Variants in OPRM1 observed in about 807,000 individuals in gnomAD.
OPRM1 encodes mu-type opioid receptor.
Under a neutral mutation model 31.8 loss-of-function variants are expected in OPRM1, and 27 were observed. The observed-to-expected ratio is 0.85, with a 90% confidence interval of 0.63 to 1.17. OPRM1 has a LOEUF of 1.17. Among genes scored for constraint, OPRM1 ranks in the 50% most tolerant of loss-of-function variants. The probability of loss-of-function intolerance (pLI) is 0.00; values close to 1 mark genes in which losing one functional copy is unlikely to be tolerated. For missense variants in OPRM1, 536 were observed against 511.1 expected (o/e 1.05, Z -0.47); for synonymous variants, 196 against 189.9 (o/e 1.03, Z -0.26).
At chr6:154,089,739 A>T in intron 1 of OPRM1, 87 bp from the exon 2 acceptor site, 13 of 875,040 alleles carry the variant, frequency 1.5e-5, no homozygotes, top group Non-Finnish European at 2.1e-5. Flanking sequence ...CTTTCTACTA[A>T]TTCATGCAAA....
At chr6:154,219,965 C>T (rs1778722453) in intron 3 of OPRM1, among the ~76,000 whole-genome samples, 1 of 148,386 alleles carries the variant, frequency 6.7e-6, no homozygotes, top group South Asian at 2.2e-4. Flanking sequence ...CTGGACAGAG[C>T]TGAGCGGATA....
Position 154,121,133 on chromosome 6 carries a change from T to C in OPRM1, c.*2412T>C, listed in dbSNP as rs1372825365. Among the ~76,000 whole-genome samples, 1 of 152,230 alleles carries C rather than the reference T, an allele frequency of 6.6e-6. No individual in the cohort carries two copies. The highest frequency in any genetic ancestry group is 1.9e-4 in the East Asian group (1 of 5,202). On this transcript the variant is annotated 3_prime_UTR_variant, in exon 4 of 4. Coordinates refer to ENST00000330432, the MANE Select transcript of OPRM1 (RefSeq NM_000914.5). ...AAGAAAATGGAATATTCTGCTTTTT[T>C]CTTCCTTCTAATTTCACCCTTGCCT...
intron 3 of OPRM1, among the ~76,000 whole-genome samples, chr6:154,189,577 T>G (rs2128578989): frequency 6.6e-6 from 1 of 152,304 alleles, no homozygotes; most frequent in South Asian, 2.1e-4. Context: ...ATTTTGAATG[T>G]TGTTACCACA....
chr6:154,152,370 A>AAGAAAGAAAG (rs1798554567), intron 3 of OPRM1, among the ~76,000 whole-genome samples: 1 of 148,494 alleles, frequency 6.7e-6, no homozygotes, highest in African/African-American at 2.6e-5. Context: ...GAAAGAAAGA[A>AAGAAAGAAAG]AGAAAGAAAG....
intron 3 of OPRM1, chr6:154,214,080 A>G: frequency 4.5e-6 from 3 of 665,278 alleles, no homozygotes; most frequent in Non-Finnish European, 8.2e-6. Flanking sequence ...GTCTCCACAT[A>G]TTTTCAGATC....
rs1583475860 is a variant in OPRM1 at position 154,089,880 on chromosome 6, A to G, written c.345A>G (p.Ala115=). Residue 115 remains alanine (A), a synonymous_variant, in exon 2 of 4, where the codon GCA becomes GCG. Coordinates refer to ENST00000330432, the MANE Select transcript of OPRM1 (RefSeq NM_000914.5). ...TCTACATTTTCAACCTTGCTCTGGC[A>G]GATGCCTTAGCCACCAGTACCCTGC... The part of the protein sequence containing the change: ...TNIYIFNLAL[A]DALATSTLPF... 2 of 1,614,142 alleles carry G rather than the reference A, an allele frequency of 1.2e-6. No individual in the cohort carries two copies. The highest frequency in any genetic ancestry group is 1.7e-6 in the Non-Finnish European group (2 of 1,179,996).
chr6:154,083,285 G>GAGAAATAAAGAAGAGAAATAA (rs1789596663), intron 1 of OPRM1, among the ~76,000 whole-genome samples: 1 of 152,062 alleles, frequency 6.6e-6, no homozygotes, highest in Non-Finnish European at 1.5e-5. Flanking sequence ...CAGAAAACAA[G>GAGAAATAAAGAAGAGAAATAA]AGAAATAAAG....
At chr6:154,239,852 T>G (rs1969518) in intron 3 of OPRM1, among the ~76,000 whole-genome samples, 5,248 of 152,314 alleles carry the variant, frequency 0.034, 323 homozygotes, top group African/African-American at 0.12. Context: ...TACAGGCATA[T>G]CCACCACGCT....
rs554100152 is a variant in OPRM1, at chr6:154,168,264, C to T, written c.1164+76792C>T. On this transcript the variant is annotated intron_variant, in intron 3 of 3. Coordinates refer to the OPRM1 transcript ENST00000337049. This position sits in a 1 kb window ranked among gnomAD's most constrained non-coding sequence, Gnocchi z 4.1. ...CTGAAAGACAATAAATGTTTGCTGT[C>T]TAAGCCACCCAGTTTGCGATACTTT... is the stretch of plus-strand genomic sequence containing the variant. 7 of 573,862 alleles carry T rather than the reference C, an allele frequency of 1.2e-5. No homozygotes were observed. The East Asian group carries it at 1.4e-4, about 11-fold the overall frequency. 35.5% of individuals were successfully genotyped at this position (573,862 alleles called of 1,614,324 possible).
downstream of OPRM1, among the ~76,000 whole-genome samples, chr6:154,135,061 T>TAAAA (rs1798021821): frequency 6.6e-6 from 1 of 152,232 alleles, no homozygotes; most frequent in Non-Finnish European, 1.5e-5. Flanking sequence ...GTCCGCATTC[T>TAAAA]AACAACGCTT....
At chr6:154,230,502 T>C (rs1779634118) in intron 3 of OPRM1, among the ~76,000 whole-genome samples, 1 of 152,176 alleles carries the variant, frequency 6.6e-6, no homozygotes, top group South Asian at 2.1e-4. Context: ...CACAAGTATT[T>C]TGGAAAATAT....
intron 3 of OPRM1, among the ~76,000 whole-genome samples, chr6:154,153,464 T>C (rs908369938): frequency 6.6e-6 from 1 of 152,020 alleles, no homozygotes; most frequent in African/African-American, 2.4e-5. Context: ...CGGGCAGATC[T>C]CCTGAGGTCA....
intron 3 of OPRM1, among the ~76,000 whole-genome samples, chr6:154,194,175 G>A (rs1239639277): frequency 2.6e-5 from 4 of 152,178 alleles, no homozygotes; most frequent in Admixed American, 2.6e-4. Flanking sequence ...CGAGGCGGGT[G>A]GATCACATGA....
chr6:154,086,667 G>C, intron 1 of OPRM1: 1 of 984,982 alleles, frequency 1.0e-6, no homozygotes, highest in African/African-American at 1.7e-5. Context: ...AAATAAGCCT[G>C]AAGGAAAGGT....
chr6:154,107,827 T>C (rs1232728655), intron 3 of OPRM1: 1 of 717,352 alleles, frequency 1.4e-6, no homozygotes, highest in Non-Finnish European at 2.6e-6. Flanking sequence ...CAAGCCCGTG[T>C]TTTATCCTGA....
intron 3 of OPRM1, among the ~76,000 whole-genome samples, chr6:154,195,342 T>C (rs1481245565): frequency 2.0e-5 from 3 of 151,870 alleles, no homozygotes; most frequent in East Asian, 1.9e-4. Context: ...AGAGATGGGG[T>C]TTCACCATGT....
chr6:154,117,900 A>ATGTGTGTGTGT (rs1317656153), intron 3 of OPRM1, among the ~76,000 whole-genome samples: 1 of 107,436 alleles, frequency 9.3e-6, no homozygotes, highest in African/African-American at 3.0e-5. Flanking sequence ...TGAGAGAGAA[A>ATGTGTGTGTGT]AAAAGAGAGA....
intron 3 of OPRM1, among the ~76,000 whole-genome samples, chr6:154,180,024 C>T (rs144884521): frequency 7.9e-5 from 12 of 152,252 alleles, no homozygotes; most frequent in African/African-American, 2.6e-4. Flanking sequence ...GCAATGCTAG[C>T]CTCAAGTCAT....
chr6:154,142,515 G>A (rs1798245395), intron 3 of OPRM1, among the ~76,000 whole-genome samples: 1 of 152,048 alleles, frequency 6.6e-6, no homozygotes, highest in African/African-American at 2.4e-5. Flanking sequence ...CACTGAGCAT[G>A]CAGGCGGCTC....
Sources: allele counts gnomAD v4.1 joint callset (sites outside exome capture counted in the v4.1 genomes callset), GRCh38; gene constraint gnomAD v4.1.1; non-coding constraint Gnocchi (gnomAD v3.1); transcripts MANE v1.5; gene names NCBI Gene and HGNC (gene_info 2026-07-23, HGNC 2026-07-21).